The following FBXW11 variants were observed in gnomAD, a reference collection of about 807,000 sequenced individuals.
FBXW11 encodes the protein F-box/WD repeat-containing protein 11.
Under a neutral mutation model 77.6 loss-of-function variants are expected in FBXW11, and 19 were observed. The observed-to-expected ratio is 0.24, with a 90% CI of 0.17 to 0.36. The LOEUF (loss-of-function observed/expected upper bound fraction) is 0.36. Among genes scored for constraint, FBXW11 ranks in the 10% least tolerant of loss-of-function variants. The pLI, the probability that FBXW11 is intolerant of heterozygous loss-of-function variation, is 1.00. For synonymous variants in FBXW11, 235 were observed against 249.4 expected (o/e 0.94, Z 0.54); for missense variants, 334 against 704.2 (o/e 0.47, Z 5.95).
Position 171,869,935 on chromosome 5 carries a change from T to C in FBXW11, c.1452-128A>G. 2 of 487,204 alleles carry C rather than the reference T, an allele frequency of 4.1e-6. No homozygotes were observed. The allele number at this position is 487,204 out of a possible 1,614,324, so 30.2% of individuals were successfully genotyped here. On this transcript the variant is annotated intron_variant, in intron 11 of 13. Transcript: ENST00000517395. This position sits in a 1 kb window ranked among gnomAD's most constrained non-coding sequence, Gnocchi z 4.1. ...AAAGCTAATGGGGAACATGCTTATG[T>C]TTTTACAAATCATCTGAACCAATTA... is the stretch of plus-strand genomic sequence containing the variant.
chr5:171,959,199 A>G (rs1379082499), intron 1 of FBXW11, among the ~76,000 whole-genome samples: 1 of 152,018 alleles, frequency 6.6e-6, no homozygotes, highest in Non-Finnish European at 1.5e-5. Flanking sequence ...AAAATGACAC[A>G]CTTCCAAGGT....
At chr5:171,889,365 T>C (rs1759145752) in intron 7 of FBXW11, among the ~76,000 whole-genome samples, 1 of 151,824 alleles carries the variant, frequency 6.6e-6, no homozygotes, top group African/African-American at 2.4e-5. Context: ...CCGTCTCCAC[T>C]AAAAATACAA....
intron 4 of FBXW11, among the ~76,000 whole-genome samples, chr5:171,902,927 G>A (rs543800740): frequency 6.6e-6 from 1 of 152,252 alleles, no homozygotes; most frequent in Non-Finnish European, 1.5e-5. Context: ...AGGTTAATGG[G>A]AGTGAAAATA....
chr5:171,949,456 GA>G (rs1763191996), intron 2 of FBXW11, among the ~76,000 whole-genome samples: 1 of 152,098 alleles, frequency 6.6e-6, no homozygotes, highest in African/African-American at 2.4e-5. Flanking sequence ...TAAACCACTA[GA>G]AGAATATTAT....
At chr5:171,959,604 T>C (rs1763789835) in intron 1 of FBXW11, among the ~76,000 whole-genome samples, 2 of 152,006 alleles carry the variant, frequency 1.3e-5, no homozygotes, top group Non-Finnish European at 2.9e-5. Context: ...TCCTAGCACT[T>C]TGGGAAGCCA....
intron 4 of FBXW11, 136 bp downstream of exon 4, chr5:171,910,436 C>A (rs1384759531): frequency 3.6e-6 from 2 of 558,814 alleles, no homozygotes; most frequent in African/African-American, 1.9e-5. Flanking sequence ...TCCTCGAGTT[C>A]CATATATTAA....
intron 1 of FBXW11, among the ~76,000 whole-genome samples, chr5:171,958,389 G>A (rs1051369628): frequency 6.6e-6 from 1 of 152,062 alleles, no homozygotes; most frequent in Non-Finnish European, 1.5e-5. Context: ...AAAGAATAAG[G>A]CAAAAAGAAC....
At chr5:171,974,444 A>G in intron 1 of FBXW11, among the ~76,000 whole-genome samples, 2 of 141,124 alleles carry the variant, frequency 1.4e-5, no homozygotes, top group East Asian at 2.0e-4. Context: ...CAAAAAAAAG[A>G]AAAAAAAAAA....
chr5:171,900,742 T>C (rs1760059570), intron 4 of FBXW11, among the ~76,000 whole-genome samples: 1 of 152,200 alleles, frequency 6.6e-6, no homozygotes. Context: ...TTCGTGAGTA[T>C]CCATTTTCTG....
At chr5:171,930,693 C>A in intron 2 of FBXW11, among the ~76,000 whole-genome samples, 1 of 147,532 alleles carries the variant, frequency 6.8e-6, no homozygotes, top group African/African-American at 2.5e-5. Flanking sequence ...AAATCCCCCT[C>A]TGCGAGAAAC....
intron 10 of FBXW11, among the ~76,000 whole-genome samples, chr5:171,872,565 T>C (rs931858278): frequency 3.3e-5 from 5 of 152,028 alleles, no homozygotes; most frequent in Non-Finnish European, 5.9e-5. Context: ...GTGAGGGAAA[T>C]TGGAGCGAGC....
intron 2 of FBXW11, among the ~76,000 whole-genome samples, chr5:171,917,030 C>T (rs1033138213): frequency 6.6e-6 from 1 of 152,168 alleles, no homozygotes; most frequent in African/African-American, 2.4e-5. Context: ...AAGCGATTCT[C>T]CCGCCTCAGC....
chr5:171,969,724 C>T lies in FBXW11; in HGVS notation c.46-12026G>A, dbSNP rs948682571. On this transcript the variant is annotated intron_variant, in intron 1 of 13. Coordinates refer to ENST00000517395, the MANE Select transcript of FBXW11 (RefSeq NM_001378974.1). ...GCTTTTTTTGTTTTTGTTTTTCAGA[C>T]AAAATTGCGCTCTGTCACCCAGGCT... 2.0e-5 allele frequency among the ~76,000 whole-genome samples: 3 copies of T among 152,222 alleles called. No individual in the cohort carries two copies. In the South Asian group the frequency reaches 6.2e-4, roughly 32 times the overall value.
intron 1 of FBXW11, among the ~76,000 whole-genome samples, chr5:171,959,709 G>C (rs183543227): frequency 6.6e-6 from 1 of 151,796 alleles, no homozygotes; most frequent in African/African-American, 2.4e-5. Flanking sequence ...TTAGCCAGGC[G>C]TGTGGTGGCA....
rs373872602 is a variant in FBXW11 at position 171,983,092 on chromosome 5, C to CT, written c.45+23365dup. ...CCTGTGATCCAAGCTACTCAGGAGA[C>CT]TGAGGCAGGATTGCTTAAGCCCGAA... is the stretch of plus-strand genomic sequence containing the variant. On this transcript the variant is annotated intron_variant, in intron 1 of 13. Transcript: ENST00000517395. Among the ~76,000 whole-genome samples, 210 of 152,248 alleles carry CT rather than the reference C, an allele frequency of 1.4e-3. 1 individual carries two copies. Among genetic ancestry groups the CT allele is most frequent in the African/African-American group, 4.9e-3 (205 of 41,542 alleles).
chr5:171,877,712 T>C (rs1425507634), intron 8 of FBXW11, among the ~76,000 whole-genome samples: 2 of 151,898 alleles, frequency 1.3e-5, no homozygotes, highest in Admixed American at 6.6e-5. Context: ...TGGAAGTGAG[T>C]GTCTCCTCTC....
chr5:171,905,837 G>T (rs928682882), intron 4 of FBXW11, among the ~76,000 whole-genome samples: 9 of 152,046 alleles, frequency 5.9e-5, no homozygotes, highest in African/African-American at 1.9e-4. Flanking sequence ...ACCTATGTCT[G>T]GCTCTCATTA....
intron 1 of FBXW11, among the ~76,000 whole-genome samples, chr5:171,979,110 T>C (rs931584341): frequency 2.0e-5 from 3 of 152,152 alleles, no homozygotes; most frequent in African/African-American, 7.2e-5. Flanking sequence ...CTGTGCAACA[T>C]AGGGAGACCC....
At chr5:171,975,236 CAACA>C (rs1764762684) in intron 1 of FBXW11, among the ~76,000 whole-genome samples, 1 of 152,154 alleles carries the variant, frequency 6.6e-6, no homozygotes, top group Non-Finnish European at 1.5e-5. Context: ...CCTAAAACTC[CAACA>C]AAGAAGCCAT....
Sources: gnomAD v4.1 joint callset for allele counts (sites outside exome capture counted in the v4.1 genomes callset) on GRCh38, gnomAD v4.1.1 for gene constraint, Gnocchi (gnomAD v3.1) non-coding constraint, MANE v1.5 for transcripts, NCBI Gene and HGNC (gene_info 2026-07-23, HGNC 2026-07-21) for gene names.